Variants in CHN1 observed in about 807,000 individuals in gnomAD.
CHN1 encodes the protein chimerin 1, also known as N-chimaerin.
In CHN1, 37 loss-of-function variants were observed where a neutral mutation model predicts 59.5. That is an observed-to-expected ratio of 0.62 (90% confidence interval 0.48 to 0.82). The LOEUF (loss-of-function observed/expected upper bound fraction) is 0.82, where lower values mean the gene tolerates loss of function less well. Among genes scored for constraint, CHN1 ranks in the 40% least tolerant of loss-of-function variants. The pLI is 0.00. For missense variants in CHN1, 469 were observed against 571.0 expected (o/e 0.82, Z 1.82); for synonymous variants, 206 against 200.4 (o/e 1.03, Z -0.24).
At chr2:174,879,775 A>T (rs1435586935) in intron 5 of CHN1, among the ~76,000 whole-genome samples, 1 of 152,146 alleles carries the variant, frequency 6.6e-6, no homozygotes, top group Non-Finnish European at 1.5e-5. Flanking sequence ...GAGGGCTCAG[A>T]CCATTTTACT....
chr2:174,821,758 T>G (rs1193569084), intron 8 of CHN1: 1 of 460,734 alleles, frequency 2.2e-6, no homozygotes, highest in East Asian at 7.4e-5. Context: ...CAGCTTGATC[T>G]TGGACTTCCT....
chr2:174,973,440 T>A (rs1282883982), intron 1 of CHN1, among the ~76,000 whole-genome samples: 2 of 152,034 alleles, frequency 1.3e-5, no homozygotes, highest in African/African-American at 2.4e-5. Context: ...AGGCAGGAGG[T>A]GACAAAATAT....
chr2:174,872,666 A>C (rs1038966005), intron 6 of CHN1, among the ~76,000 whole-genome samples: 6 of 152,326 alleles, frequency 3.9e-5, no homozygotes, highest in Non-Finnish European at 8.8e-5. Flanking sequence ...TCATAAAGCA[A>C]TTAGGAGCCC....
intron 5 of CHN1, among the ~76,000 whole-genome samples, chr2:174,881,988 G>C (rs1687751629): frequency 6.6e-6 from 1 of 152,202 alleles, no homozygotes. Context: ...CTAGACTACA[G>C]AGCATTGATT....
intron 7 of CHN1, among the ~76,000 whole-genome samples, chr2:174,834,687 ATG>A (rs1686009982): frequency 6.6e-6 from 1 of 152,208 alleles, no homozygotes; most frequent in African/African-American, 2.4e-5. Context: ...ACTTTGTAAG[ATG>A]TGTGAGTACC....
chr2:174,885,727 T>G (rs1687876236), intron 5 of CHN1, among the ~76,000 whole-genome samples: 2 of 152,126 alleles, frequency 1.3e-5, no homozygotes, highest in African/African-American at 4.8e-5. Flanking sequence ...TGCCTCAGCC[T>G]CCAAAAGTGC....
chr2:174,835,824 A>G (rs1055296187), intron 7 of CHN1, among the ~76,000 whole-genome samples: 4 of 151,968 alleles, frequency 2.6e-5, no homozygotes, highest in African/African-American at 9.7e-5. Context: ...TACCCTCTTG[A>G]AGAGTCTTAA....
chr2:174,884,766 T>A (rs1384328127), intron 5 of CHN1, among the ~76,000 whole-genome samples: 5 of 152,104 alleles, frequency 3.3e-5, no homozygotes, highest in Non-Finnish European at 7.4e-5. Context: ...ATTTGAGGGA[T>A]CCTATCACAT....
At chr2:174,830,602 T>C (rs747054634) in intron 7 of CHN1, among the ~76,000 whole-genome samples, 5 of 152,142 alleles carry the variant, frequency 3.3e-5, no homozygotes, top group African/African-American at 4.8e-5. Context: ...ATCAAATGGA[T>C]GTGTAATTGA....
chr2:174,839,711 C>T (rs1164719561), intron 7 of CHN1, among the ~76,000 whole-genome samples: 1 of 151,946 alleles, frequency 6.6e-6, no homozygotes, highest in Non-Finnish European at 1.5e-5. Context: ...CCCAGTGATC[C>T]TCTCACCTCA....
At chr2:174,849,762 G>A (rs1385105138) in intron 6 of CHN1, among the ~76,000 whole-genome samples, 2 of 152,080 alleles carry the variant, frequency 1.3e-5, no homozygotes, top group African/African-American at 2.4e-5. Flanking sequence ...AACCCTATGA[G>A]GCATAAATTA....
At chr2:174,910,899 CAAAAAAAA>C (rs10568066) in intron 5 of CHN1, among the ~76,000 whole-genome samples, 40 of 76,642 alleles carry the variant, frequency 5.2e-4, no homozygotes, top group Non-Finnish European at 4.5e-4. Context: ...GACTCCGTCT[CAAAAAAAA>C]AAAAAAAAAA....
chr2:174,866,398 TA>T (rs1319968846), intron 6 of CHN1, among the ~76,000 whole-genome samples: 3 of 152,194 alleles, frequency 2.0e-5, no homozygotes, highest in Admixed American at 6.5e-5. Context: ...GATGTAATAT[TA>T]AAAACATTTA....
At chr2:174,846,214 A>G in intron 7 of CHN1, 1 of 1,429,898 alleles carries the variant, frequency 7.0e-7, no homozygotes. Flanking sequence ...GACTAGATCT[A>G]CATACAGCTT....
chr2:174,984,799 C>T (rs1285185733), intron 1 of CHN1, among the ~76,000 whole-genome samples: 2 of 152,174 alleles, frequency 1.3e-5, no homozygotes, highest in Admixed American at 1.3e-4. Flanking sequence ...CAACGTGCAG[C>T]CTCCTCACAG....
chr2:174,980,235 G>A (rs1429081015), intron 1 of CHN1, among the ~76,000 whole-genome samples: 2 of 151,954 alleles, frequency 1.3e-5, no homozygotes, highest in Non-Finnish European at 2.9e-5. Flanking sequence ...CAAGACTTAC[G>A]TAAAAAAAAG....
At chr2:174,828,824 CAG>C (rs1033937388) in intron 7 of CHN1, among the ~76,000 whole-genome samples, 2 of 152,162 alleles carry the variant, frequency 1.3e-5, no homozygotes, top group African/African-American at 2.4e-5. Flanking sequence ...TAGATCACAA[CAG>C]AGAGTGACTT....
intron 5 of CHN1, among the ~76,000 whole-genome samples, chr2:174,882,271 A>G (rs1197970968): frequency 6.6e-6 from 1 of 152,226 alleles, no homozygotes; most frequent in Non-Finnish European, 1.5e-5. Context: ...TAGAAAGAAT[A>G]TCTTTCTCCA....
intron 5 of CHN1, among the ~76,000 whole-genome samples, chr2:174,891,160 A>G (rs1205901873): frequency 8.7e-5 from 13 of 149,788 alleles, no homozygotes; most frequent in Admixed American, 2.0e-4. Context: ...AAAAAAAAAA[A>G]AAAAAGAAAA....
Sources: gnomAD v4.1 joint callset for allele counts (sites outside exome capture counted in the v4.1 genomes callset) on GRCh38, gnomAD v4.1.1 for gene constraint, MANE v1.5 for transcripts, NCBI Gene and HGNC (gene_info 2026-07-23, HGNC 2026-07-21) for gene names.